VDAC1: variants seen among roughly 807,000 people sequenced by gnomAD.
VDAC1 encodes voltage dependent anion channel 1.
Under a neutral mutation model 34.7 loss-of-function variants are expected in VDAC1, and 10 were observed. The ratio of observed to expected loss-of-function variants is 0.29; its 90% CI spans 0.18 to 0.49. The LOEUF (loss-of-function observed/expected upper bound fraction) is 0.49, where lower values mean the gene tolerates loss of function less well. Among genes scored for constraint, VDAC1 ranks in the 20% least tolerant of loss-of-function variants. VDAC1 has a pLI of 0.99. For synonymous variants in VDAC1, 130 were observed against 136.0 expected (o/e 0.96, Z 0.30); for missense variants, 230 against 347.9 (o/e 0.66, Z 2.69).
At chr5:133,972,891 A>T (rs374238494) in intron 8 of VDAC1, 29 bp from the exon 9 acceptor site, 2 of 1,564,356 alleles carry the variant, frequency 1.3e-6, no homozygotes, top group Admixed American at 1.7e-5. Context: ...GGGAGAGGAA[A>T]GGAGGAGGAA....
the VDAC1 span, among the ~76,000 whole-genome samples, chr5:134,039,474 T>A: frequency 1.6e-4 from 24 of 151,770 alleles, no homozygotes; most frequent in South Asian, 6.3e-4. Flanking sequence ...GACTACAGGC[T>A]CCTGCCACCA....
chr5:134,040,531 C>T, the VDAC1 span, among the ~76,000 whole-genome samples: 39 of 151,304 alleles, frequency 2.6e-4, no homozygotes, highest in African/African-American at 9.0e-4. Flanking sequence ...GCCGAGACCA[C>T]GCCATTGCAC....
At chr5:133,994,859 G>A (rs1251476366) in intron 1 of VDAC1, among the ~76,000 whole-genome samples, 2 of 152,106 alleles carry the variant, frequency 1.3e-5, no homozygotes, top group Admixed American at 1.3e-4. Flanking sequence ...GAAGCAGAAG[G>A]AGAAGCAGTC....
rs200670358 is a variant in VDAC1 at position 133,973,777 on chromosome 5, C to T, written c.760+14G>A. 51 of 1,609,624 alleles carry T rather than the reference C, an allele frequency of 3.2e-5. No individual in the cohort carries two copies. In the East Asian group the frequency reaches 3.3e-4, roughly 11 times the overall value. ...TAAGATAAAGAACCGATTTCACACACAAGCAACACATACCTGGCTTTAGAG... is the reference window on the plus strand; with the variant it reads ...TAAGATAAAGAACCGATTTCACACATAAGCAACACATACCTGGCTTTAGAG... On this transcript the variant is annotated intron_variant, in intron 8 of 8. Transcript: ENST00000265333.
chr5:134,016,989 A>G, the VDAC1 span, among the ~76,000 whole-genome samples: 1 of 152,224 alleles, frequency 6.6e-6, no homozygotes, highest in African/African-American at 2.4e-5. Context: ...AGCAAGGCCC[A>G]TGTGCCCCTC....
At chr5:133,976,044 T>C (rs774208249) in intron 6 of VDAC1, 23 bp from the exon 7 acceptor site, 5 of 1,613,838 alleles carry the variant, frequency 3.1e-6, no homozygotes, top group Admixed American at 1.7e-5. Flanking sequence ...ACAGGACAGA[T>C]GCTGAGCTTC....
the VDAC1 span, among the ~76,000 whole-genome samples, chr5:134,027,050 G>T: frequency 6.6e-6 from 1 of 152,180 alleles, no homozygotes; most frequent in Admixed American, 6.5e-5. Context: ...TTGGGGAAGA[G>T]GTGTTGCTAC....
At chr5:133,994,624 C>T in intron 1 of VDAC1, among the ~76,000 whole-genome samples, 1 of 152,144 alleles carries the variant, frequency 6.6e-6, no homozygotes, top group East Asian at 1.9e-4. Context: ...AGGAAACCAC[C>T]CACCAGAACC....
the VDAC1 span, among the ~76,000 whole-genome samples, chr5:134,097,284 T>C: frequency 6.6e-6 from 1 of 152,192 alleles, no homozygotes; most frequent in Non-Finnish European, 1.5e-5. Flanking sequence ...AAAGAAAAAC[T>C]CCTCACTAAA....
chr5:134,028,477 A>G, the VDAC1 span, among the ~76,000 whole-genome samples: 119 of 152,236 alleles, frequency 7.8e-4, no homozygotes, highest in African/African-American at 2.8e-3. Flanking sequence ...CCATGTTGCT[A>G]TGTAGGCTTG....
intron 3 of VDAC1, 44 bp downstream of exon 3, chr5:133,992,242 TAAATAAATAAAATAAAATAA>T: frequency 9.1e-6 from 11 of 1,208,040 alleles, no homozygotes; most frequent in Admixed American, 3.7e-5. Flanking sequence ...ATCTCAAAAA[TAAATAAATAAAATAAAATAA>T]AAATAAATAA....
intron 3 of VDAC1, among the ~76,000 whole-genome samples, chr5:133,991,757 G>A (rs1753112598): frequency 6.6e-6 from 1 of 151,362 alleles, no homozygotes; most frequent in Non-Finnish European, 1.5e-5. Flanking sequence ...AAAAAAAAAA[G>A]TACCTTCTTT....
chr5:134,044,405 G>A, the VDAC1 span, among the ~76,000 whole-genome samples: 19,101 of 152,148 alleles, frequency 0.13, 1,331 homozygotes, highest in East Asian at 0.28. Flanking sequence ...CCTTCCTGTC[G>A]GGGAACCTCC....
upstream of VDAC1, among the ~76,000 whole-genome samples, chr5:134,009,228 T>G (rs1753796562): frequency 6.6e-6 from 1 of 151,726 alleles, no homozygotes; most frequent in Non-Finnish European, 1.5e-5. Flanking sequence ...AATGAAGTAT[T>G]TATGGGAATT....
chr5:134,044,663 G>A, the VDAC1 span, among the ~76,000 whole-genome samples: 27 of 151,708 alleles, frequency 1.8e-4, no homozygotes, highest in Admixed American at 5.3e-4. Flanking sequence ...GTGTGTGTGT[G>A]CGCGCGCGCA....
chr5:134,005,149 C>T (rs1008681781), upstream of VDAC1: 1 of 152,194 alleles, frequency 6.6e-6, no homozygotes, highest in African/African-American at 2.4e-5. Flanking sequence ...ACGCGCGGGG[C>T]TCCTGGGCCT....
the VDAC1 span, among the ~76,000 whole-genome samples, chr5:134,083,215 G>T: frequency 6.7e-6 from 1 of 148,274 alleles, no homozygotes; most frequent in African/African-American, 2.5e-5. Context: ...TTGGGATGGG[G>T]TCTTGCTTTG....
chr5:133,976,042 G>C (rs1376841565), intron 6 of VDAC1, 21 bp from the exon 7 acceptor site: 1 of 1,613,944 alleles, frequency 6.2e-7, no homozygotes, highest in Admixed American at 1.7e-5. Context: ...GCACAGGACA[G>C]ATGCTGAGCT....
the VDAC1 span, among the ~76,000 whole-genome samples, chr5:134,044,465 T>TAA: frequency 6.6e-6 from 1 of 152,222 alleles, no homozygotes; most frequent in South Asian, 2.1e-4. Flanking sequence ...TATGGATTAA[T>TAA]AAAAACTTCC....
Sources: allele counts gnomAD v4.1 joint callset (sites outside exome capture counted in the v4.1 genomes callset), GRCh38; gene constraint gnomAD v4.1.1; transcripts MANE v1.5; gene names NCBI Gene and HGNC (gene_info 2026-07-23, HGNC 2026-07-21).